MYPN: variants seen among roughly 807,000 people sequenced by gnomAD.
MYPN encodes the protein sarcomeric protein myopalladin, 145 kDa (MYOP).
A neutral mutation model predicts 129.4 loss-of-function variants in MYPN; 63 were observed. The observed-to-expected ratio is 0.49, with a 90% CI of 0.40 to 0.60. The LOEUF is 0.60. Among genes scored for constraint, MYPN ranks in the 20% least tolerant of loss-of-function variants. MYPN has a pLI of 0.00. For missense variants in MYPN, 1,596 were observed against 1,635.4 expected, an observed-to-expected ratio of 0.98 and a Z score of 0.42; for synonymous variants, 629 against 600.9, an observed-to-expected ratio of 1.05 and a Z score of -0.68.
chr10:68,207,632 T>C (rs1319386948), intron 19 of MYPN, among the ~76,000 whole-genome samples: 1 of 152,210 alleles, frequency 6.6e-6, no homozygotes, highest in Admixed American at 6.5e-5. Context: ...TCCCCCAGAC[T>C]TCTCTAATAA....
At chr10:68,156,592 A>C (rs1303051617) in intron 6 of MYPN, among the ~76,000 whole-genome samples, 1 of 152,248 alleles carries the variant, frequency 6.6e-6, no homozygotes, top group Non-Finnish European at 1.5e-5. Context: ...ATATCAATGC[A>C]TAACATCCCT....
At chr10:68,140,238 G>T (rs910151789) in intron 2 of MYPN, among the ~76,000 whole-genome samples, 7 of 152,176 alleles carry the variant, frequency 4.6e-5, no homozygotes, top group Admixed American at 1.3e-4. Context: ...TGGGAGATGG[G>T]GTCCAGAAAT....
rs113440483 is a variant in MYPN, at chr10:68,190,015, C to T, written c.2925+889C>T. 4.1e-3 allele frequency among the ~76,000 whole-genome samples: 622 copies of T among 150,914 alleles called. 4 individuals are homozygous for T. The highest frequency in any genetic ancestry group is 0.014 in the African/African-American group (590 of 41,362). The stretch of plus-strand genomic sequence containing the variant: ...CAGTGTATGAGGGTTCCCCTTTCTC[C>T]GCATCCTCACCAGCATTTTTTTTTG... On this transcript the variant is annotated intron_variant, in intron 13 of 19. Transcript: ENST00000358913.
chr10:68,130,680 C>T (rs1434810057), intron 2 of MYPN, among the ~76,000 whole-genome samples: 1 of 151,914 alleles, frequency 6.6e-6, no homozygotes. Flanking sequence ...TTGTAGTTCG[C>T]ATCTAGTTTA....
At chr10:68,196,383 T>A (rs1046233685) in intron 15 of MYPN, among the ~76,000 whole-genome samples, 1 of 152,122 alleles carries the variant, frequency 6.6e-6, no homozygotes, top group Non-Finnish European at 1.5e-5. Flanking sequence ...CCATAGCTGC[T>A]GACACAGACG....
chr10:68,107,357 T>C (rs1317392298), upstream of MYPN, among the ~76,000 whole-genome samples: 1 of 150,112 alleles, frequency 6.7e-6, no homozygotes, highest in Non-Finnish European at 1.5e-5. Context: ...TTTTTTTTTT[T>C]TTTGAGACAG....
chr10:68,158,193 C>T (rs1411424991), intron 6 of MYPN: 12 of 323,964 alleles, frequency 3.7e-5, no homozygotes, highest in Non-Finnish European at 4.6e-5. Flanking sequence ...TTTCCATGTG[C>T]GTCCCTCCTG....
upstream of MYPN, among the ~76,000 whole-genome samples, chr10:68,105,654 C>T (rs1338418725): frequency 1.3e-5 from 2 of 152,146 alleles, no homozygotes; most frequent in Non-Finnish European, 2.9e-5. Context: ...ATGCAAACCA[C>T]ACAGTAAAGC....
At chr10:68,108,376 C>T (rs1404236518), upstream of MYPN, among the ~76,000 whole-genome samples, 2 of 152,192 alleles carry the variant, frequency 1.3e-5, no homozygotes, top group Non-Finnish European at 2.9e-5. Flanking sequence ...ATAAAGATCT[C>T]TTCGTAAATT....
intron 1 of MYPN, among the ~76,000 whole-genome samples, chr10:68,088,570 A>G (rs1345935143): frequency 6.6e-6 from 1 of 152,148 alleles, no homozygotes; most frequent in Non-Finnish European, 1.5e-5. Context: ...TTGTTTCTAT[A>G]AGTTTCTGTC....
chr10:68,110,112 T>G (rs887677086), intron 1 of MYPN, among the ~76,000 whole-genome samples: 4 of 152,246 alleles, frequency 2.6e-5, no homozygotes, highest in Non-Finnish European at 5.9e-5. Context: ...TATGCCTGCA[T>G]AAAGACTTTC....
chr10:68,092,374 T>A (rs6480303), intron 1 of MYPN, among the ~76,000 whole-genome samples: 53,627 of 151,708 alleles, frequency 0.35, 11,809 homozygotes, highest in East Asian at 0.85. Context: ...AGGCGCCTGT[T>A]ATCCCAGCTA....
At chr10:68,092,926 TTTTC>T in intron 1 of MYPN, among the ~76,000 whole-genome samples, 1 of 152,304 alleles carries the variant, frequency 6.6e-6, no homozygotes, top group East Asian at 1.9e-4. Flanking sequence ...AACCTGCTTG[TTTTC>T]TTGGATCAGT....
chr10:68,188,832 C>A, intron 12 of MYPN, 73 bp from the exon 13 acceptor site: 1 of 1,278,446 alleles, frequency 7.8e-7, no homozygotes, highest in South Asian at 1.3e-5. Context: ...TAAAAAGTGG[C>A]TTCCTCAATT....
chr10:68,211,688 T>C lies in MYPN; in HGVS notation c.*1233T>C. ...CACAAAGTAGACATTCAATAAATAT[T>C]TGCTGGTTGAATGAATCTTCTGTTA... On this transcript the variant is annotated 3_prime_UTR_variant, in exon 20 of 20. Coordinates refer to ENST00000358913, the MANE Select transcript of MYPN (RefSeq NM_032578.4). 1 of 454,084 alleles carries C rather than the reference T, an allele frequency of 2.2e-6. No homozygotes were observed. Among genetic ancestry groups the C allele is most frequent in the South Asian group, 1.6e-5 (1 of 64,476 alleles). 28.1% of individuals were successfully genotyped at this position (454,084 alleles called of 1,614,324 possible). A position where few individuals can be genotyped will look rare whatever the true frequency, so the allele number is the denominator to read the frequency against.
At chr10:68,181,209 GA>G (rs1206332768) in intron 12 of MYPN, among the ~76,000 whole-genome samples, 1 of 152,148 alleles carries the variant, frequency 6.6e-6, no homozygotes, top group Non-Finnish European at 1.5e-5. Context: ...CCCAGTACTG[GA>G]CATTTAAAAT....
chr10:68,155,652 C>T (rs1228531751), intron 6 of MYPN, among the ~76,000 whole-genome samples: 3 of 152,210 alleles, frequency 2.0e-5, no homozygotes, highest in African/African-American at 7.2e-5. Context: ...GACAGCTACA[C>T]TATGTTCTAA....
rs769176032 is a variant in MYPN at position 68,158,435 on chromosome 10, T to C, written c.1318-51T>C. 1.9e-6 allele frequency: 3 copies of C among 1,565,556 alleles called. No individual in the cohort carries two copies. The Admixed American group carries it at 5.2e-5, about 27-fold the overall frequency. On this transcript the variant is annotated intron_variant, in intron 6 of 19. Transcript: ENST00000358913. ...CTAAAATTCAACACCGAAACTAGATTACAAAAATGTGTACTTTTTTGTTCT... is the reference window on the plus strand; with the variant it reads ...CTAAAATTCAACACCGAAACTAGATCACAAAAATGTGTACTTTTTTGTTCT...
intron 10 of MYPN, among the ~76,000 whole-genome samples, chr10:68,169,753 T>TC (rs1168567381): frequency 3.3e-5 from 5 of 151,488 alleles, no homozygotes; most frequent in Admixed American, 3.3e-4. Context: ...TTTTTTTTTT[T>TC]CTCCAAGATG....
Sources: gnomAD v4.1 joint callset for allele counts (sites outside exome capture counted in the v4.1 genomes callset) on GRCh38, gnomAD v4.1.1 for gene constraint, MANE v1.5 for transcripts, NCBI Gene and HGNC (gene_info 2026-07-23, HGNC 2026-07-21) for gene names.